Variants in HMGXB3 observed in about 807,000 individuals in gnomAD.
HMGXB3 encodes HMG domain-containing protein 3.
A neutral mutation model predicts 121.5 loss-of-function variants in HMGXB3; 45 were observed. The observed-to-expected ratio is 0.37, with a 90% CI of 0.29 to 0.47. HMGXB3 has a LOEUF of 0.47. Ranked by LOEUF, HMGXB3 falls within the 20% of genes least tolerant of loss-of-function variation. The probability of loss-of-function intolerance (pLI) is 0.99; values close to 1 mark genes in which losing one functional copy is unlikely to be tolerated. For synonymous variants in HMGXB3, 590 were observed against 624.1 expected, an observed-to-expected ratio of 0.95 and a Z score of 0.81; for missense variants, 1,376 against 1,602.2, an observed-to-expected ratio of 0.86 and a Z score of 2.41.
Position 150,026,850 on chromosome 5 carries a change from G to C in HMGXB3, c.1605G>C (p.Leu535=). Residue 535 remains leucine (L), a synonymous_variant, in exon 8 of 20, where the codon CTG becomes CTC. Coordinates refer to ENST00000502717, the MANE Select transcript of HMGXB3 (RefSeq NM_014983.3). ...TGGGGCGAGGCAGCAGCATGGGACT[G>C]CCCAGGGCCAGGCAGGCCTTTTCCC... ...VNVGRGSSMG[L]PRARQAFSLS... The C allele has an allele frequency of 6.6e-7, 1 of 1,526,336 alleles. No individual in the cohort carries two copies. The highest frequency in any genetic ancestry group is 1.4e-5 in the African/African-American group (1 of 72,268). 94.5% of individuals were successfully genotyped at this position (1,526,336 alleles called of 1,614,324 possible).
intron 13 of HMGXB3, 38 bp downstream of exon 13, chr5:150,037,565 A>G: frequency 6.8e-7 from 1 of 1,473,754 alleles, no homozygotes; most frequent in Non-Finnish European, 9.1e-7. Context: ...AGCATCCCAA[A>G]GCAGGCTTGG....
intron 3 of HMGXB3, among the ~76,000 whole-genome samples, chr5:150,007,472 G>T (rs1385945842): frequency 6.6e-6 from 1 of 152,094 alleles, no homozygotes; most frequent in African/African-American, 2.4e-5. Flanking sequence ...CTTCTATTTT[G>T]GTAATGTAGA....
intron 4 of HMGXB3, among the ~76,000 whole-genome samples, 155 bp downstream of exon 4, chr5:150,010,763 G>A (rs1755812307): frequency 6.6e-6 from 1 of 152,204 alleles, no homozygotes; most frequent in Non-Finnish European, 1.5e-5. Context: ...TTGCCCCTGG[G>A]CTCACTCCAG....
intron 13 of HMGXB3, among the ~76,000 whole-genome samples, chr5:150,039,472 T>A (rs1756575172): frequency 6.6e-6 from 1 of 152,152 alleles, no homozygotes; most frequent in Non-Finnish European, 1.5e-5. Flanking sequence ...TTTGTAAATA[T>A]TATAATTTTT....
At chr5:150,025,504 ATTT>A (rs60889296) in intron 7 of HMGXB3, among the ~76,000 whole-genome samples, 11 of 149,516 alleles carry the variant, frequency 7.4e-5, no homozygotes, top group African/African-American at 2.2e-4. Flanking sequence ...TATTTTTCCC[ATTT>A]TTTTTTTAAC....
chr5:150,010,128 A>C lies in HMGXB3; in HGVS notation c.330A>C (p.Ala110=). Residue 110 remains alanine, a synonymous_variant, in exon 4 of 20, where the codon GCA becomes GCC. Transcript: ENST00000502717. ...EGLDPNSKLS[A]LTAVVPDIPG... is the part of the protein sequence containing the mutation. ...ATCCTCAGAACTCTAAGCTCTCTGCACTGACTGCTGTGGTTCCGGACATCC... is the reference window on the plus strand; with the variant it reads ...ATCCTCAGAACTCTAAGCTCTCTGCCCTGACTGCTGTGGTTCCGGACATCC... 1 of 1,551,200 alleles carries C rather than the reference A, an allele frequency of 6.4e-7. No homozygotes were observed.
chr5:150,026,940 G>C (rs1410036454), intron 8 of HMGXB3, 59 bp downstream of exon 8: 5 of 1,524,060 alleles, frequency 3.3e-6, no homozygotes, highest in Non-Finnish European at 4.4e-6. Context: ...GGACAGGAGT[G>C]GGGGGTTGAG....
At chr5:150,037,677 C>A in intron 13 of HMGXB3, 150 bp downstream of exon 13, 1 of 581,080 alleles carries the variant, frequency 1.7e-6, no homozygotes, top group Non-Finnish European at 2.6e-6. Context: ...GTCTTAGTCC[C>A]ACAAGATGAC....
chr5:150,026,706 A>C lies in HMGXB3; in HGVS notation c.1461A>C (p.Gly487=). The C allele has an allele frequency of 6.5e-7, 1 of 1,549,348 alleles. No individual in the cohort carries two copies. Among genetic ancestry groups the C allele is most frequent in the Non-Finnish European group, 8.7e-7 (1 of 1,146,306 alleles). The part of the protein sequence containing the change: ...SPLPAPKKPT[G]ADLLTPGSRA... ...AGATTTCTCTTCTTATTCTTTTCAG[A>C]GCTGACCTGCTTACCCCTGGGTCCA... is the stretch of plus-strand genomic sequence containing the variant. Residue 487 remains glycine, a splice_region_variant and synonymous_variant, in exon 8 of 20, where the codon GGA becomes GGC. Transcript: ENST00000502717.
At chr5:150,028,265 A>G (rs1756278884) in intron 9 of HMGXB3, among the ~76,000 whole-genome samples, 1 of 151,934 alleles carries the variant, frequency 6.6e-6, no homozygotes, top group Non-Finnish European at 1.5e-5. Flanking sequence ...AGGCAGTCAG[A>G]TATGCATTTA....
intron 11 of HMGXB3, among the ~76,000 whole-genome samples, chr5:150,033,006 C>T (rs1328199536): frequency 1.3e-5 from 2 of 152,222 alleles, no homozygotes; most frequent in African/African-American, 2.4e-5. Flanking sequence ...TAGACCACCG[C>T]TGCTTTCTCA....
intron 5 of HMGXB3, chr5:150,015,141 C>T (rs4597953): frequency 3.0e-6 from 1 of 333,120 alleles, no homozygotes; most frequent in East Asian, 5.7e-5. Context: ...AGCAGGACTT[C>T]AAAGGTGAGC....
chr5:150,034,645 C>CTGCAG (rs1313957830), intron 11 of HMGXB3, among the ~76,000 whole-genome samples: 3 of 152,220 alleles, frequency 2.0e-5, no homozygotes, highest in Non-Finnish European at 4.4e-5. Flanking sequence ...GACCTTCCAT[C>CTGCAG]ACTTTCCAAT....
chr5:150,023,379 A>T (rs73273554), intron 6 of HMGXB3, among the ~76,000 whole-genome samples: 1 of 152,104 alleles, frequency 6.6e-6, no homozygotes, highest in Non-Finnish European at 1.5e-5. Flanking sequence ...TGAGGATTCA[A>T]TTGAAGCTTG....
At chr5:150,027,893 C>T (rs960580988) in intron 9 of HMGXB3, among the ~76,000 whole-genome samples, 2 of 152,126 alleles carry the variant, frequency 1.3e-5, no homozygotes, top group African/African-American at 2.4e-5. Flanking sequence ...TGATGTATAC[C>T]TTTACTCTCC....
At chr5:150,037,375 T>C (rs1375426992) in intron 12 of HMGXB3, 25 bp from the exon 13 acceptor site, 7 of 1,508,382 alleles carry the variant, frequency 4.6e-6, no homozygotes, top group Non-Finnish European at 6.2e-6. Flanking sequence ...TTCTTTTTTT[T>C]TGTTGGTGAT....
intron 3 of HMGXB3, among the ~76,000 whole-genome samples, chr5:150,007,917 C>T (rs1009043307): frequency 1.3e-5 from 2 of 151,874 alleles, no homozygotes; most frequent in Non-Finnish European, 2.9e-5. Context: ...ATTAGCCAGG[C>T]GTGGTGGCAT....
intron 5 of HMGXB3, among the ~76,000 whole-genome samples, chr5:150,014,115 T>C (rs1449209232): frequency 6.6e-6 from 1 of 152,262 alleles, no homozygotes; most frequent in Non-Finnish European, 1.5e-5. Flanking sequence ...GGCCTGGTAC[T>C]ACACTAGAGC....
chr5:150,015,912 GT>G (rs573768332), intron 5 of HMGXB3, among the ~76,000 whole-genome samples: 92 of 152,296 alleles, frequency 6.0e-4, no homozygotes, highest in Non-Finnish European at 1.2e-3. Flanking sequence ...CTTGATAAAT[GT>G]TATGTACACT....
Sources: gnomAD v4.1 joint callset for allele counts (sites outside exome capture counted in the v4.1 genomes callset) on GRCh38, gnomAD v4.1.1 for gene constraint, MANE v1.5 for transcripts, NCBI Gene and HGNC (gene_info 2026-07-23, HGNC 2026-07-21) for gene names.